Variants in REPS2 observed in about 807,000 individuals in gnomAD.
The protein encoded by REPS2 is ralBP1-associated Eps domain-containing protein 2.
Under a neutral mutation model 53.6 loss-of-function variants are expected in REPS2, and 23 were observed. The ratio of observed to expected loss-of-function variants is 0.43; its 90% confidence interval spans 0.31 to 0.61. The LOEUF (loss-of-function observed/expected upper bound fraction) is 0.61. REPS2 is among the 20% of genes least tolerant of loss of function. The pLI, the probability that REPS2 is intolerant of heterozygous loss-of-function variation, is 0.11. For missense variants in REPS2, 446 were observed against 534.9 expected, an observed-to-expected ratio of 0.83 and a Z score of 1.64; for synonymous variants, 238 against 218.6, an observed-to-expected ratio of 1.09 and a Z score of -0.78.
chrX:17,065,405 A>G (rs768252148), intron 9 of REPS2, among the ~76,000 whole-genome samples: 1 of 112,068 alleles, frequency 8.9e-6, no homozygotes, highest in South Asian at 3.7e-4. Flanking sequence ...CTTATTAGCC[A>G]TTTGTATATC....
rs185049580 is a variant in REPS2 at position 17,082,722 on chromosome X, A to G, written c.1516+5315A>G. On this transcript the variant is annotated intron_variant, in intron 13 of 17. Transcript: ENST00000357277. ...GACAAAAGTATGATGCAGAATGTGT[A>G]TGTTTATAAATGTGTAGACAATTTC... 3.2e-4 allele frequency among the ~76,000 whole-genome samples: 36 copies of G among 112,708 alleles called. No individual in the cohort carries two copies. The Admixed American group carries it at 3.3e-3, about 10-fold the overall frequency.
chrX:17,076,247 G>A (rs1281661458), intron 12 of REPS2, among the ~76,000 whole-genome samples: 1 of 112,105 alleles, frequency 8.9e-6, no homozygotes, highest in East Asian at 2.8e-4. Flanking sequence ...AGCTAAGTAC[G>A]AAGAAGGTTT....
intron 4 of REPS2, among the ~76,000 whole-genome samples, chrX:17,026,113 C>G (rs1331520511): frequency 8.9e-6 from 1 of 111,871 alleles, no homozygotes; most frequent in Non-Finnish European, 1.9e-5. Context: ...ATGGCAATAG[C>G]TTTTGATTGG....
chrX:17,072,450 A>G (rs1430067601), intron 11 of REPS2, among the ~76,000 whole-genome samples: 1 of 111,007 alleles, frequency 9.0e-6, no homozygotes, highest in Non-Finnish European at 1.9e-5. Flanking sequence ...CTGTCTCTCC[A>G]CTACTCATCC....
At chrX:17,001,610 A>G (rs757424981) in intron 1 of REPS2, among the ~76,000 whole-genome samples, 1 of 112,576 alleles carries the variant, frequency 8.9e-6, no homozygotes, top group Non-Finnish European at 1.9e-5. Flanking sequence ...GATGAGGAAA[A>G]GAAAATTCAG....
At chrX:17,100,387 A>G in intron 13 of REPS2, 1 of 437,374 alleles carries the variant, frequency 2.3e-6, no homozygotes, top group Non-Finnish European at 4.0e-6. Flanking sequence ...GTGCTGCGCT[A>G]TTGGCGCATT....
chrX:16,952,814 G>T (rs1048429951), intron 1 of REPS2, among the ~76,000 whole-genome samples: 7 of 111,495 alleles, frequency 6.3e-5, no homozygotes, highest in Admixed American at 2.9e-4. Flanking sequence ...TAGGGAAATA[G>T]AGGCCAGCAT....
intron 1 of REPS2, among the ~76,000 whole-genome samples, chrX:16,993,546 C>T (rs1028754837): frequency 9.0e-6 from 1 of 111,370 alleles, no homozygotes; most frequent in Non-Finnish European, 1.9e-5. Context: ...GGAAGAGAGA[C>T]TATGTGGAGG....
intron 14 of REPS2, among the ~76,000 whole-genome samples, chrX:17,114,149 G>A (rs190820867): frequency 5.7e-4 from 64 of 111,561 alleles, no homozygotes; most frequent in African/African-American, 1.9e-3. Flanking sequence ...AAGGTCCATG[G>A]TGCATGGTAA....
intron 5 of REPS2, among the ~76,000 whole-genome samples, chrX:17,045,712 G>GT (rs1270086028): frequency 9.1e-6 from 1 of 109,594 alleles, no homozygotes; most frequent in Non-Finnish European, 1.9e-5. Flanking sequence ...TGTTTGCTGG[G>GT]TGCATTCTCA....
chrX:17,073,512 G>T (rs1187279642), intron 11 of REPS2, among the ~76,000 whole-genome samples: 2 of 111,792 alleles, frequency 1.8e-5, no homozygotes, highest in Admixed American at 1.9e-4. Context: ...AAGTCATATG[G>T]CTGGGAAAAG....
the REPS2 span, among the ~76,000 whole-genome samples, chrX:17,193,526 T>G: frequency 1.8e-5 from 2 of 111,183 alleles, no homozygotes; most frequent in Non-Finnish European, 3.8e-5. Context: ...CCTATTTTCC[T>G]GAAGGCTGTT....
chrX:17,123,950 A>G (rs996643326), intron 14 of REPS2, among the ~76,000 whole-genome samples: 2 of 112,602 alleles, frequency 1.8e-5, no homozygotes, highest in African/African-American at 3.2e-5. Context: ...TTTTAATCCT[A>G]ATGATAATAG....
At chrX:17,055,389 C>A (rs1434813422) in intron 8 of REPS2, among the ~76,000 whole-genome samples, 1 of 58,147 alleles carries the variant, frequency 1.7e-5, no homozygotes, top group African/African-American at 6.8e-5. Context: ...GCTTTTGTTG[C>A]CATTGCTTTT....
chrX:16,958,570 T>C (rs1228247402), intron 1 of REPS2, among the ~76,000 whole-genome samples: 1 of 111,851 alleles, frequency 8.9e-6, no homozygotes, highest in Non-Finnish European at 1.9e-5. Context: ...TTGCTGGAGC[T>C]GTGAAAGGTA....
intron 1 of REPS2, among the ~76,000 whole-genome samples, chrX:16,998,282 T>C (rs904751131): frequency 9.0e-6 from 1 of 111,255 alleles, no homozygotes; most frequent in African/African-American, 3.3e-5. Context: ...TGATTCAGAA[T>C]TGAAGAGGTA....
intron 14 of REPS2, among the ~76,000 whole-genome samples, chrX:17,129,845 A>G: frequency 8.9e-6 from 1 of 111,830 alleles, no homozygotes; most frequent in Middle Eastern, 4.6e-3. Flanking sequence ...GGAGTGGTAG[A>G]GCAAACACTT....
At chrX:17,026,768 C>T (rs1328069821) in intron 4 of REPS2, among the ~76,000 whole-genome samples, 1 of 110,942 alleles carries the variant, frequency 9.0e-6, no homozygotes, top group Non-Finnish European at 1.9e-5. Context: ...GTAAAATATA[C>T]ATATGATAAA....
At chrX:17,081,661 C>G (rs1346943420) in intron 13 of REPS2, among the ~76,000 whole-genome samples, 1 of 112,187 alleles carries the variant, frequency 8.9e-6, no homozygotes, top group African/African-American at 3.2e-5. Context: ...TCTCTAGGTA[C>G]TGGCATCAGA....
Sources: allele counts gnomAD v4.1 joint callset (sites outside exome capture counted in the v4.1 genomes callset), GRCh38; gene constraint gnomAD v4.1.1; transcripts MANE v1.5; gene names NCBI Gene and HGNC (gene_info 2026-07-23, HGNC 2026-07-21).